The following NAV1 variants were observed in gnomAD, a reference collection of about 807,000 sequenced individuals.
NAV1 encodes the protein neuron navigator 1.
In NAV1, 18 loss-of-function variants were observed where a neutral mutation model predicts 175.2. The ratio of observed to expected loss-of-function variants is 0.10; its 90% CI spans 0.07 to 0.15. The LOEUF (loss-of-function observed/expected upper bound fraction) is 0.15. NAV1 is among the 10% of genes least tolerant of loss of function. NAV1 has a pLI of 1.00. For synonymous variants in NAV1, 897 were observed against 978.7 expected (o/e 0.92, Z 1.56); for missense variants, 1,731 against 2,436.6 (o/e 0.71, Z 6.10).
intron 1 of NAV1, among the ~76,000 whole-genome samples, chr1:201,564,174 G>GCAGGCAGGCAGGCAGGCAGGCAGA (rs1472700762): frequency 6.6e-6 from 1 of 151,842 alleles, no homozygotes; most frequent in African/African-American, 2.4e-5. Context: ...AGGCAGGCAG[G>GCAGGCAGGCAGGCAGGCAGGCAGA]CAGGCAGGCA....
At chr1:201,772,908 T>C (rs1163098236) in intron 3 of NAV1, among the ~76,000 whole-genome samples, 2 of 152,040 alleles carry the variant, frequency 1.3e-5, no homozygotes, top group Admixed American at 1.3e-4. Flanking sequence ...TGGCGGGTGC[T>C]TGTAGTCCTA....
intron 2 of NAV1, among the ~76,000 whole-genome samples, chr1:201,601,985 C>A (rs529348193): frequency 1.3e-5 from 2 of 152,176 alleles, no homozygotes; most frequent in Admixed American, 1.3e-4. Flanking sequence ...CAGCTGCCCC[C>A]TCTCTGGAGC....
At chr1:201,671,789 T>C (rs2102379963) in intron 1 of NAV1, among the ~76,000 whole-genome samples, 1 of 152,318 alleles carries the variant, frequency 6.6e-6, no homozygotes, top group South Asian at 2.1e-4. Context: ...GGAGTTCCCA[T>C]GGGGAACCAT....
chr1:201,711,379 C>T (rs867733583), intron 1 of NAV1, among the ~76,000 whole-genome samples: 15 of 152,232 alleles, frequency 9.9e-5, no homozygotes, highest in Non-Finnish European at 2.1e-4. Context: ...GCTCCCTGCC[C>T]GCCCCACCCA....
chr1:201,798,608 C>CAAAAAAA (rs36186980), intron 15 of NAV1: 2 of 97,128 alleles, frequency 2.1e-5, no homozygotes, highest in African/African-American at 7.8e-5. Flanking sequence ...GACCTGGTTT[C>CAAAAAAA]AAAAAAAAAA....
chr1:201,582,420 C>G (rs761878236), intron 1 of NAV1, among the ~76,000 whole-genome samples: 13 of 152,166 alleles, frequency 8.5e-5, no homozygotes, highest in Non-Finnish European at 1.3e-4. Context: ...TCCAAAGGGA[C>G]TTGGATATTG....
intron 28 of NAV1, among the ~76,000 whole-genome samples, chr1:201,816,492 TA>T (rs1468719273): frequency 1.3e-5 from 2 of 152,168 alleles, no homozygotes; most frequent in Non-Finnish European, 1.5e-5. Context: ...TTTTGTTGAT[TA>T]AAAAATGAAT....
At position 201,794,733 on chromosome 1, in the gene NAV1, A is replaced by G. The variant is rs578062696; in HGVS notation, c.3517+156A>G. 39 of 697,206 alleles carry G rather than the reference A, an allele frequency of 5.6e-5. No homozygotes were observed. The East Asian group carries it at 1.1e-3, about 19-fold the overall frequency. The allele number at this position is 697,206 out of a possible 1,614,324, so 43.2% of individuals were successfully genotyped here. The stretch of plus-strand genomic sequence containing the variant: ...CTTTAGTGTGATGTCTGGACTGGTC[A>G]GTGAGGAGTACCAGGGGCATGACCC... On this transcript the variant is annotated intron_variant, in intron 15 of 29. Transcript: ENST00000367296.
At chr1:201,790,387 G>A (rs1008188546) in intron 11 of NAV1, among the ~76,000 whole-genome samples, 167 bp from the exon 16 acceptor site, 7 of 152,126 alleles carry the variant, frequency 4.6e-5, no homozygotes, top group African/African-American at 7.2e-5. Context: ...GATCTGAGCC[G>A]AGTCCTGTGA....
At position 201,694,099 on chromosome 1, in the gene NAV1, G is replaced by A. The variant is rs1471693659; in HGVS notation, c.758-18718G>A. On this transcript the variant is annotated intron_variant, in intron 1 of 29. Coordinates refer to ENST00000367296, the Ensembl canonical transcript of NAV1. The surrounding 1 kb of genome is among the most constrained non-coding windows in gnomAD (Gnocchi z 4.2). Reference sequence around the variant, plus strand: ...TCAATTCAGTCAAGACTCTGCTCACGCCTGTCCCCAGGAGCAAAGCCTTGG... The same window carrying A: ...TCAATTCAGTCAAGACTCTGCTCACACCTGTCCCCAGGAGCAAAGCCTTGG... 6.6e-6 allele frequency among the ~76,000 whole-genome samples: 1 copy of A among 152,204 alleles called. No homozygotes were observed. Among genetic ancestry groups the A allele is most frequent in the African/African-American group, 2.4e-5 (1 of 41,456 alleles).
intron 1 of NAV1, among the ~76,000 whole-genome samples, chr1:201,571,154 C>A (rs1013258811): frequency 6.6e-6 from 1 of 152,160 alleles, no homozygotes; most frequent in Admixed American, 6.5e-5. Flanking sequence ...GCTCCTGGAT[C>A]TCTGGGCTAG....
In NAV1 at chr1:201,539,363, G is replaced by T. The variant is rs1315455408; in HGVS notation, c.-144+21G>T. ...CTCCGGTGAGTGGCCGGCGCGGGGCGGTCGCGCGGTCGCGGCGCTGAGGGT... is the reference window on the plus strand; with the variant it reads ...CTCCGGTGAGTGGCCGGCGCGGGGCTGTCGCGCGGTCGCGGCGCTGAGGGT... On this transcript the variant is annotated intron_variant, in intron 1 of 33. Coordinates refer to the NAV1 transcript ENST00000685211. This position sits in a 1 kb window ranked among gnomAD's most constrained non-coding sequence, Gnocchi z 5.6. 6.6e-6 allele frequency among the ~76,000 whole-genome samples: 1 copy of T among 151,948 alleles called. No individual in the cohort carries two copies. Among genetic ancestry groups the T allele is most frequent in the Non-Finnish European group, 1.5e-5 (1 of 67,958 alleles).
intron 3 of NAV1, among the ~76,000 whole-genome samples, chr1:201,731,265 A>T (rs1282204037): frequency 6.6e-6 from 1 of 151,952 alleles, no homozygotes; most frequent in Non-Finnish European, 1.5e-5. Context: ...GACCCATCCA[A>T]ACGTGTGTGA....
intron 3 of NAV1, among the ~76,000 whole-genome samples, chr1:201,761,835 C>T (rs765973829): frequency 2.6e-5 from 4 of 152,136 alleles, no homozygotes; most frequent in Admixed American, 1.3e-4. Flanking sequence ...TCTTTTCCAA[C>T]CTCTTCCTTT....
At chr1:201,711,238 T>G (rs1396092231) in intron 1 of NAV1, among the ~76,000 whole-genome samples, 1 of 152,228 alleles carries the variant, frequency 6.6e-6, no homozygotes, top group East Asian at 1.9e-4. Context: ...CCTGGATTCA[T>G]GGTGCTGACC....
chr1:201,787,921 G>T lies in NAV1; in HGVS notation c.2996-547G>T, dbSNP rs572747296. On this transcript the variant is annotated intron_variant, in intron 9 of 29. Coordinates refer to ENST00000367296, the Ensembl canonical transcript of NAV1. This position sits in a 1 kb window ranked among gnomAD's most constrained non-coding sequence, Gnocchi z 4.3. ...GGGCCATGTTTCTTGATGCTTTAGC[G>T]CCAACCCAGTCACTCAGAGTGACAC... Among the ~76,000 whole-genome samples, 1 of 152,164 alleles carries T rather than the reference G, an allele frequency of 6.6e-6. No individual in the cohort carries two copies. Among genetic ancestry groups the T allele is most frequent in the African/African-American group, 2.4e-5 (1 of 41,446 alleles).
At chr1:201,626,440 C>T (rs1005221387) in intron 1 of NAV1, among the ~76,000 whole-genome samples, 12 of 152,242 alleles carry the variant, frequency 7.9e-5, no homozygotes, top group Non-Finnish European at 1.5e-4. Context: ...CTGCCCCATC[C>T]TCCACAGCCC....
chr1:201,755,279 A>G (rs570161958), intron 3 of NAV1, among the ~76,000 whole-genome samples: 2 of 152,324 alleles, frequency 1.3e-5, no homozygotes, highest in East Asian at 1.9e-4. Context: ...CCCCTCTACA[A>G]AAAATTTAAA....
chr1:201,546,990 ATT>A (rs201089522), intron 1 of NAV1, among the ~76,000 whole-genome samples: 1 of 145,038 alleles, frequency 6.9e-6, no homozygotes. Flanking sequence ...GAACAAGGAC[ATT>A]TTTTTTTTTT....
Sources: gnomAD v4.1 joint callset for allele counts (sites outside exome capture counted in the v4.1 genomes callset) on GRCh38, gnomAD v4.1.1 for gene constraint, Gnocchi (gnomAD v3.1) non-coding constraint, MANE v1.5 for transcripts, NCBI Gene and HGNC (gene_info 2026-07-23, HGNC 2026-07-21) for gene names.